The following NBAS variants were observed in gnomAD, a reference collection of about 807,000 sequenced individuals.
NBAS encodes NAG/BC035112 fusion.
Under a neutral mutation model 302.5 loss-of-function variants are expected in NBAS, and 219 were observed. That is an observed-to-expected ratio of 0.72 (90% CI 0.65 to 0.81). The LOEUF is 0.81. NBAS is among the 30% of genes least tolerant of loss of function. The pLI, the probability that NBAS is intolerant of heterozygous loss-of-function variation, is 0.00. For missense variants in NBAS, 2,932 were observed against 2,841.6 expected (o/e 1.03, Z -0.72); for synonymous variants, 1,118 against 1,021.6 (o/e 1.09, Z -1.80).
At chr2:14,981,072 AAC>A in the NBAS span, among the ~76,000 whole-genome samples, 2 of 152,156 alleles carry the variant, frequency 1.3e-5, no homozygotes, top group Non-Finnish European at 2.9e-5. Context: ...AGGAAAAAAA[AAC>A]AGAAGAAAAA....
chr2:14,827,895 G>A, the NBAS span, among the ~76,000 whole-genome samples: 1 of 152,144 alleles, frequency 6.6e-6, no homozygotes, highest in Non-Finnish European at 1.5e-5. Context: ...GCCTGTGCTT[G>A]ATACTGTACT....
chr2:15,486,069 C>T (rs866468032), intron 12 of NBAS, among the ~76,000 whole-genome samples: 6 of 152,132 alleles, frequency 3.9e-5, no homozygotes, highest in Admixed American at 1.3e-4. Context: ...TGGCCGACCC[C>T]GGCCTGTGCT....
intron 8 of NBAS, among the ~76,000 whole-genome samples, chr2:15,535,801 C>G (rs879663209): frequency 4.6e-5 from 7 of 152,120 alleles, no homozygotes; most frequent in South Asian, 2.1e-4. Context: ...AATGCAGAAC[C>G]CACAGATACA....
At chr2:15,313,088 T>C (rs1671350461) in intron 38 of NBAS, among the ~76,000 whole-genome samples, 1 of 152,144 alleles carries the variant, frequency 6.6e-6, no homozygotes, top group South Asian at 2.1e-4. Context: ...TCCCATTCCC[T>C]AAAAAACGAA....
chr2:15,184,788 T>C (rs1664999177), intron 50 of NBAS, among the ~76,000 whole-genome samples: 1 of 152,196 alleles, frequency 6.6e-6, no homozygotes. Flanking sequence ...GCTGGTGAGA[T>C]GATGTCAGGG....
the NBAS span, among the ~76,000 whole-genome samples, chr2:15,139,256 T>C: frequency 6.6e-6 from 1 of 152,196 alleles, no homozygotes; most frequent in Non-Finnish European, 1.5e-5. Context: ...TTTTAAAAAC[T>C]ACCAGGAAAA....
chr2:15,548,065 G>C (rs896924843), intron 6 of NBAS, among the ~76,000 whole-genome samples: 1 of 152,034 alleles, frequency 6.6e-6, no homozygotes, highest in African/African-American at 2.4e-5. Flanking sequence ...GTATAATATA[G>C]ACAGTATTAT....
chr2:15,393,666 AT>A (rs1558299010), intron 28 of NBAS: 2 of 378,710 alleles, frequency 5.3e-6, no homozygotes, highest in Non-Finnish European at 1.1e-5. Flanking sequence ...TAGCAACTTT[AT>A]TTGTAAAAGC....
At chr2:15,467,508 T>C (rs559888340) in intron 18 of NBAS, 101 bp from the exon 19 acceptor site, 2 of 1,312,994 alleles carry the variant, frequency 1.5e-6, no homozygotes, top group Non-Finnish European at 2.2e-6. Context: ...CCAAAACTCA[T>C]GAAACAGTTC....
At chr2:15,535,576 AT>A (rs1218701465) in intron 8 of NBAS, among the ~76,000 whole-genome samples, 5 of 151,740 alleles carry the variant, frequency 3.3e-5, no homozygotes, top group East Asian at 1.9e-4. Context: ...AAATAAAAAA[AT>A]AAAATAAAAT....
chr2:15,098,468 T>C, the NBAS span, among the ~76,000 whole-genome samples: 1 of 111,856 alleles, frequency 8.9e-6, no homozygotes, highest in Non-Finnish European at 1.6e-5. Context: ...TTATATATTG[T>C]ATATAATATG....
At chr2:15,225,721 T>C (rs1051433419) in intron 47 of NBAS, among the ~76,000 whole-genome samples, 2 of 152,232 alleles carry the variant, frequency 1.3e-5, no homozygotes, top group African/African-American at 4.8e-5. Flanking sequence ...TTTCTTCTTT[T>C]TTTGAATATT....
chr2:15,475,614 C>A, intron 14 of NBAS, 73 bp downstream of exon 14: 2 of 1,388,558 alleles, frequency 1.4e-6, no homozygotes, highest in South Asian at 2.5e-5. Flanking sequence ...TAAGACAACT[C>A]AAATAAAAAC....
the NBAS span, among the ~76,000 whole-genome samples, chr2:14,925,825 A>G: frequency 6.6e-6 from 1 of 152,346 alleles, no homozygotes; most frequent in East Asian, 1.9e-4. Context: ...TTGTCATACT[A>G]TAGAAGAATT....
intron 11 of NBAS, among the ~76,000 whole-genome samples, chr2:15,497,095 A>C (rs918760343): frequency 1.3e-5 from 2 of 150,466 alleles, no homozygotes; most frequent in Admixed American, 1.3e-4. Context: ...ATGAGCTGAG[A>C]TAAGGCCAAC....
At chr2:14,814,937 G>C in the NBAS span, among the ~76,000 whole-genome samples, 1 of 152,162 alleles carries the variant, frequency 6.6e-6, no homozygotes, top group Non-Finnish European at 1.5e-5. Flanking sequence ...GTGCTGTCTT[G>C]TGATAGAGCT....
chr2:15,131,181 A>G, the NBAS span, among the ~76,000 whole-genome samples: 2 of 152,178 alleles, frequency 1.3e-5, no homozygotes, highest in Non-Finnish European at 2.9e-5. Flanking sequence ...GCAGATGTTC[A>G]GTATATATAA....
At chr2:15,336,731 G>GAA (rs562071247) in intron 35 of NBAS, among the ~76,000 whole-genome samples, 2,492 of 144,048 alleles carry the variant, frequency 0.017, 75 homozygotes, top group African/African-American at 0.059. Context: ...CTCCATATAG[G>GAA]AAAAAAAAAA....
chr2:15,260,886 T>C (rs1668819345), intron 44 of NBAS, among the ~76,000 whole-genome samples: 1 of 152,210 alleles, frequency 6.6e-6, no homozygotes, highest in Non-Finnish European at 1.5e-5. Flanking sequence ...TATGACCCCC[T>C]ACTAAGGGGA....
Sources: gnomAD v4.1 joint callset for allele counts (sites outside exome capture counted in the v4.1 genomes callset) on GRCh38, gnomAD v4.1.1 for gene constraint, MANE v1.5 for transcripts, NCBI Gene and HGNC (gene_info 2026-07-23, HGNC 2026-07-21) for gene names.